Variants in SEC63 observed in about 807,000 individuals in gnomAD.
SEC63 encodes SEC63 protein translocation regulator.
Under a neutral mutation model 116.2 loss-of-function variants are expected in SEC63, and 56 were observed. That is an observed-to-expected ratio of 0.48 (90% CI 0.39 to 0.60). The LOEUF (loss-of-function observed/expected upper bound fraction) is 0.60. SEC63 is among the 20% of genes least tolerant of loss of function. SEC63 has a pLI of 0.00. For missense variants in SEC63, 668 were observed against 900.0 expected (o/e 0.74, Z 3.30); for synonymous variants, 273 against 294.6 (o/e 0.93, Z 0.75).
chr6:107,940,522 T>C (rs540187301), intron 1 of SEC63, among the ~76,000 whole-genome samples: 176 of 152,074 alleles, frequency 1.2e-3, no homozygotes, highest in African/African-American at 4.0e-3. Flanking sequence ...ACCCACTAGA[T>C]GCCAGGAACA....
chr6:107,928,920 T>A (rs540776787), intron 2 of SEC63, among the ~76,000 whole-genome samples: 1 of 152,246 alleles, frequency 6.6e-6, no homozygotes, highest in Non-Finnish European at 1.5e-5. Flanking sequence ...GGTCAAGTTA[T>A]GTCATCATTC....
At position 107,924,003 on chromosome 6, in the gene SEC63, G is replaced by A. The variant is rs1214421470; in HGVS notation, c.339+815C>T. Among the ~76,000 whole-genome samples, 7 of 152,234 alleles carry A rather than the reference G, an allele frequency of 4.6e-5. No individual in the cohort carries two copies. In the South Asian group the frequency reaches 8.3e-4, roughly 18 times the overall value. ...CTTTAGGCTGGGCACGGTGGCTCAC[G>A]CCTGTAATCCCAGCACTTTGGGAGG... On this transcript the variant is annotated intron_variant, in intron 3 of 20. Coordinates refer to ENST00000369002, the MANE Select transcript of SEC63 (RefSeq NM_007214.5).
Position 107,902,892 on chromosome 6 carries a change from G to A in SEC63, c.1161C>T (p.Leu387=). ...TAAGATTGTCCTCTTCAATATGAGGGAGCTGCAGAAGGGGAGACTTAAATT... is the reference window on the plus strand; with the variant it reads ...TAAGATTGTCCTCTTCAATATGAGGAAGCTGCAGAAGGGGAGACTTAAATT... ...LQQFKSPLLQ[L]PHIEEDNLRR... Residue 387 remains leucine (L), a synonymous_variant, in exon 12 of 21, where the codon CTC becomes CTT. Transcript: ENST00000369002. 6.2e-7 allele frequency: 1 copy of A among 1,613,816 alleles called. No homozygotes were observed. Among genetic ancestry groups the A allele is most frequent in the East Asian group, 2.2e-5 (1 of 44,868 alleles).
At chr6:107,875,213 G>A (rs1365678333) in intron 19 of SEC63, among the ~76,000 whole-genome samples, 1 of 152,174 alleles carries the variant, frequency 6.6e-6, no homozygotes, top group Non-Finnish European at 1.5e-5. Flanking sequence ...GGGGTGTCAT[G>A]TCATGATGTC....
At chr6:107,895,851 C>T (rs1389604459) in intron 14 of SEC63, among the ~76,000 whole-genome samples, 3 of 121,948 alleles carry the variant, frequency 2.5e-5, no homozygotes, top group Non-Finnish European at 5.0e-5. Flanking sequence ...CAGAGACCCG[C>T]ACCTCTATTA....
intron 4 of SEC63, among the ~76,000 whole-genome samples, chr6:107,919,443 T>C (rs1168305886): frequency 6.6e-6 from 1 of 152,208 alleles, no homozygotes; most frequent in Admixed American, 6.5e-5. Context: ...GTGAACATTG[T>C]TGAAATCACA....
At chr6:107,917,664 G>A (rs1787440866) in intron 4 of SEC63, among the ~76,000 whole-genome samples, 1 of 152,342 alleles carries the variant, frequency 6.6e-6, no homozygotes, top group Admixed American at 6.5e-5. Flanking sequence ...CCTTGTTGCT[G>A]ATTTGAAGAA....
chr6:107,952,196 T>C (rs977925363), intron 1 of SEC63, among the ~76,000 whole-genome samples: 3 of 152,108 alleles, frequency 2.0e-5, no homozygotes, highest in Non-Finnish European at 4.4e-5. Context: ...TAGCTAAACA[T>C]GTTAAGCAGA....
chr6:107,956,572 T>C (rs775601387), intron 1 of SEC63, among the ~76,000 whole-genome samples: 99 of 152,204 alleles, frequency 6.5e-4, no homozygotes, highest in Non-Finnish European at 1.3e-4. Flanking sequence ...GTAAAAAAAG[T>C]ATTAAGACTA....
intron 13 of SEC63, among the ~76,000 whole-genome samples, chr6:107,898,888 G>A (rs901333975): frequency 6.6e-6 from 1 of 152,160 alleles, no homozygotes; most frequent in Non-Finnish European, 1.5e-5. Flanking sequence ...CAGTTGAAAA[G>A]AATGGCCTCC....
At chr6:107,943,271 C>T (rs1396226275) in intron 1 of SEC63, among the ~76,000 whole-genome samples, 1 of 152,196 alleles carries the variant, frequency 6.6e-6, no homozygotes, top group African/African-American at 2.4e-5. Context: ...CTCTCAACTG[C>T]AAATGGCTCC....
Position 107,922,609 on chromosome 6 carries a change from A to T in SEC63, c.340-700T>A, listed in dbSNP as rs528391173. Among the ~76,000 whole-genome samples the T allele has an allele frequency of 2.6e-5, 4 of 152,352 alleles. No individual in the cohort carries two copies. The South Asian group carries it at 8.3e-4, about 32-fold the overall frequency. Reference sequence around the variant, plus strand: ...TCAAAGGTTAACTTTCTAAGGAATAATCTGAGGAATACCTGGTTTCAGCTG... The same window carrying T: ...TCAAAGGTTAACTTTCTAAGGAATATTCTGAGGAATACCTGGTTTCAGCTG... On this transcript the variant is annotated intron_variant, in intron 3 of 20. Coordinates refer to ENST00000369002, the MANE Select transcript of SEC63 (RefSeq NM_007214.5).
intron 1 of SEC63, 74 bp from the exon 2 acceptor site, chr6:107,929,588 A>G: frequency 1.2e-6 from 1 of 828,554 alleles, no homozygotes. Context: ...TAACTGGTTA[A>G]CTAACCTTCA....
chr6:107,876,726 A>G, intron 18 of SEC63, 64 bp from the exon 19 acceptor site: 2 of 1,185,464 alleles, frequency 1.7e-6, no homozygotes, highest in Non-Finnish European at 1.2e-6. Flanking sequence ...AACTAGAAAG[A>G]ATATAATTTT....
At chr6:107,948,931 T>C (rs953923569) in intron 1 of SEC63, among the ~76,000 whole-genome samples, 13 of 152,194 alleles carry the variant, frequency 8.5e-5, no homozygotes, top group African/African-American at 3.1e-4. Context: ...ACCAGGATGG[T>C]ATATAAGCTT....
intron 4 of SEC63, among the ~76,000 whole-genome samples, chr6:107,921,029 C>T (rs1345066774): frequency 1.3e-5 from 2 of 152,142 alleles, no homozygotes. Flanking sequence ...AAATCCACAT[C>T]TCAACAAGTA....
chr6:107,956,884 T>C lies in SEC63; in HGVS notation c.124+1002A>G, dbSNP rs145274710. On this transcript the variant is annotated intron_variant, in intron 1 of 20. Coordinates refer to ENST00000369002, the MANE Select transcript of SEC63 (RefSeq NM_007214.5). ...CCAGCACACCCAATTGAAGAGAAGA[T>C]ATTTAAGCAAGTTAGCACAGCTCTT... Among the ~76,000 whole-genome samples the C allele has an allele frequency of 4.3e-3, 649 of 152,308 alleles. 4 individuals are homozygous for C. The highest frequency in any genetic ancestry group is 0.015 in the African/African-American group (610 of 41,552).
chr6:107,949,532 C>CA (rs1007984614), intron 1 of SEC63, among the ~76,000 whole-genome samples: 6 of 151,688 alleles, frequency 4.0e-5, no homozygotes, highest in East Asian at 1.9e-4. Flanking sequence ...CATTTCACTA[C>CA]AAAAAAAATC....
chr6:107,933,974 C>T (rs1017035249), intron 1 of SEC63, among the ~76,000 whole-genome samples: 7 of 152,250 alleles, frequency 4.6e-5, no homozygotes, highest in East Asian at 1.9e-4. Flanking sequence ...CCGCCAGCCT[C>T]GGCCTCCCGA....
Sources: gnomAD v4.1 joint callset for allele counts (sites outside exome capture counted in the v4.1 genomes callset) on GRCh38, gnomAD v4.1.1 for gene constraint, MANE v1.5 for transcripts, NCBI Gene and HGNC (gene_info 2026-07-23, HGNC 2026-07-21) for gene names.